DNAJC24: variants seen among roughly 807,000 people sequenced by gnomAD.
DNAJC24 encodes the protein dnaJ homolog subfamily C member 24.
In DNAJC24, 17 loss-of-function variants were observed where a neutral mutation model predicts 18.0. That is an observed-to-expected ratio of 0.94 (90% confidence interval 0.65 to 1.42). The LOEUF (loss-of-function observed/expected upper bound fraction) is 1.42, where lower values mean the gene tolerates loss of function less well. Ranked by LOEUF, DNAJC24 falls within the 40% of genes most tolerant of loss-of-function variation. The pLI, the probability that DNAJC24 is intolerant of heterozygous loss-of-function variation, is 0.00. For synonymous variants in DNAJC24, 55 were observed against 57.7 expected, an observed-to-expected ratio of 0.95 and a Z score of 0.21; for missense variants, 158 against 175.6, an observed-to-expected ratio of 0.90 and a Z score of 0.57.
At chr11:31,412,835 C>T (rs1952720941) in intron 2 of DNAJC24, among the ~76,000 whole-genome samples, 1 of 152,104 alleles carries the variant, frequency 6.6e-6, no homozygotes, top group Non-Finnish European at 1.5e-5. Context: ...TTCTGTGTAA[C>T]CAAATACCAG....
chr11:31,409,715 C>G (rs1420521286), intron 2 of DNAJC24, among the ~76,000 whole-genome samples: 1 of 151,968 alleles, frequency 6.6e-6, no homozygotes, highest in Admixed American at 6.6e-5. Flanking sequence ...TTAATCTATT[C>G]TTCTATGAAT....
In DNAJC24 at chr11:31,414,954, G is replaced by A. The variant is rs748632715; in HGVS notation, c.250+5G>A. ...AGTATGACCTGCAGCGGTGTGGTAG[G>A]TGCTTGTGTTGAGGAGCCACAGCAC... is the stretch of plus-strand genomic sequence containing the variant. On this transcript the variant is annotated splice_donor_5th_base_variant and intron_variant, in intron 3 of 4. Coordinates refer to ENST00000465995, the MANE Select transcript of DNAJC24 (RefSeq NM_181706.5). 5 of 1,612,192 alleles carry A rather than the reference G, an allele frequency of 3.1e-6. No homozygotes were observed. The highest frequency in any genetic ancestry group is 4.2e-6 in the Non-Finnish European group (5 of 1,179,462).
At chr11:31,385,931 G>T (rs545883719) in intron 2 of DNAJC24, among the ~76,000 whole-genome samples, 1 of 152,112 alleles carries the variant, frequency 6.6e-6, no homozygotes, top group Admixed American at 6.5e-5. Context: ...AAGAGAATCC[G>T]TGTGCTTGGG....
intron 4 of DNAJC24, 152 bp downstream of exon 4, chr11:31,426,507 T>C (rs1464927922): frequency 2.0e-6 from 1 of 491,584 alleles, no homozygotes; most frequent in African/African-American, 2.0e-5. Flanking sequence ...GGAGTATTTC[T>C]GCTTAATTCT....
At chr11:31,394,875 A>T (rs907375625) in intron 2 of DNAJC24, among the ~76,000 whole-genome samples, 3 of 152,222 alleles carry the variant, frequency 2.0e-5, no homozygotes, top group African/African-American at 4.8e-5. Context: ...TACAAAAAAA[A>T]GTAGAACAAA....
At chr11:31,392,114 G>C (rs978352726) in intron 2 of DNAJC24, among the ~76,000 whole-genome samples, 9 of 152,146 alleles carry the variant, frequency 5.9e-5, no homozygotes, top group Non-Finnish European at 1.5e-5. Flanking sequence ...GTAGATAGGT[G>C]GGGGAGAGGG....
At position 31,407,806 on chromosome 11, in the gene DNAJC24, C is replaced by T. The variant is rs537203923; in HGVS notation, c.112-7005C>T. ...GATGCTATTTTCATAATTTTACATG[C>T]TTCATTTCTTAGTTGAAAAACTTGT... is the stretch of plus-strand genomic sequence containing the variant. On this transcript the variant is annotated intron_variant, in intron 2 of 4. Transcript: ENST00000465995. Among the ~76,000 whole-genome samples, 7 of 147,600 alleles carry T rather than the reference C, an allele frequency of 4.7e-5. No individual in the cohort carries two copies. The East Asian group carries it at 1.4e-3, about 29-fold the overall frequency.
chr11:31,424,915 C>T lies in DNAJC24; in HGVS notation c.251-1372C>T, dbSNP rs148166827. Among the ~76,000 whole-genome samples the T allele has an allele frequency of 6.6e-5, 10 of 151,952 alleles. No individual in the cohort carries two copies. The East Asian group carries it at 1.9e-3, about 29-fold the overall frequency. ...GCAAGTGAACAAGAGACTAGTGAGACAGCTAAAGAAAATTTTATTGGGGTG... is the reference window on the plus strand; with the variant it reads ...GCAAGTGAACAAGAGACTAGTGAGATAGCTAAAGAAAATTTTATTGGGGTG... On this transcript the variant is annotated intron_variant, in intron 3 of 4. Transcript: ENST00000465995.
intron 2 of DNAJC24, among the ~76,000 whole-genome samples, chr11:31,413,475 C>T (rs536143856): frequency 2.0e-5 from 3 of 151,804 alleles, no homozygotes; most frequent in Admixed American, 6.6e-5. Context: ...GGATTACAGG[C>T]GCCCACCACC....
chr11:31,410,267 TAA>T (rs901096243), intron 2 of DNAJC24, among the ~76,000 whole-genome samples: 31 of 152,194 alleles, frequency 2.0e-4, no homozygotes, highest in African/African-American at 7.5e-4. Context: ...TAATAACTAA[TAA>T]AAAGTTTATT....
intron 2 of DNAJC24, among the ~76,000 whole-genome samples, chr11:31,375,586 G>T (rs1223018858): frequency 1.5e-5 from 2 of 134,872 alleles, no homozygotes; most frequent in African/African-American, 5.0e-5. Context: ...AAGCAGAGAG[G>T]AATAGGATCT....
intron 2 of DNAJC24, among the ~76,000 whole-genome samples, chr11:31,413,539 A>G (rs1476896813): frequency 3.3e-5 from 5 of 151,834 alleles, no homozygotes; most frequent in African/African-American, 9.7e-5. Context: ...TCACTGTGTT[A>G]GCCAGGATGG....
intron 2 of DNAJC24, among the ~76,000 whole-genome samples, chr11:31,399,739 CTTT>C (rs757871094): frequency 1.3e-4 from 13 of 97,058 alleles, no homozygotes; most frequent in Admixed American, 2.3e-4. Flanking sequence ...ACTGTTTTTT[CTTT>C]TTTTTTTTTT....
intron 2 of DNAJC24, among the ~76,000 whole-genome samples, chr11:31,390,498 G>C: frequency 6.6e-6 from 1 of 150,384 alleles, no homozygotes. Context: ...ACAAGGTCAA[G>C]AGATCGAGAC....
intron 2 of DNAJC24, among the ~76,000 whole-genome samples, chr11:31,409,336 AC>A (rs1331708184): frequency 6.6e-6 from 1 of 152,154 alleles, no homozygotes; most frequent in African/African-American, 2.4e-5. Flanking sequence ...TGTAAATACC[AC>A]CCCAAATAAG....
At chr11:31,394,612 A>G (rs1436621611) in intron 2 of DNAJC24, among the ~76,000 whole-genome samples, 1 of 152,018 alleles carries the variant, frequency 6.6e-6, no homozygotes, top group Non-Finnish European at 1.5e-5. Flanking sequence ...TTTCTAAACA[A>G]CTCTTGACTC....
chr11:31,373,036 A>G (rs1245798966), intron 2 of DNAJC24, among the ~76,000 whole-genome samples: 1 of 134,254 alleles, frequency 7.4e-6, no homozygotes, highest in African/African-American at 2.5e-5. Context: ...ATAATTGGCC[A>G]TTTGTATAAT....
At chr11:31,377,199 A>C (rs953060526) in intron 2 of DNAJC24, among the ~76,000 whole-genome samples, 4 of 152,124 alleles carry the variant, frequency 2.6e-5, no homozygotes, top group Non-Finnish European at 4.4e-5. Context: ...CCTCCTGCAC[A>C]ATTAGGTGTT....
At chr11:31,424,233 C>T (rs567534035) in intron 3 of DNAJC24, among the ~76,000 whole-genome samples, 1 of 152,084 alleles carries the variant, frequency 6.6e-6, no homozygotes, top group Admixed American at 6.5e-5. Context: ...TTTCTCTTGT[C>T]TGATTTGCTT....
Sources: gnomAD v4.1 joint callset for allele counts (sites outside exome capture counted in the v4.1 genomes callset) on GRCh38, gnomAD v4.1.1 for gene constraint, MANE v1.5 for transcripts, NCBI Gene and HGNC (gene_info 2026-07-23, HGNC 2026-07-21) for gene names.